The following BTLA variants were observed in gnomAD, a reference collection of about 807,000 sequenced individuals.
BTLA encodes B- and T-lymphocyte attenuator.
A neutral mutation model predicts 25.0 loss-of-function variants in BTLA; 11 were observed. That is an observed-to-expected ratio of 0.44 (90% CI 0.28 to 0.73). The LOEUF is 0.73. Among genes scored for constraint, BTLA ranks in the 30% least tolerant of loss-of-function variants. The pLI is 0.15. For missense variants in BTLA, 282 were observed against 332.8 expected (o/e 0.85, Z 1.19); for synonymous variants, 104 against 119.8 (o/e 0.87, Z 0.86).
upstream of BTLA, chr3:112,499,539 T>C (rs1576697912): frequency 1.9e-6 from 1 of 537,698 alleles, no homozygotes; most frequent in South Asian, 3.0e-5. Flanking sequence ...GATGATTTTG[T>C]GAAAAAAAGT....
chr3:112,466,488 TG>T (rs2082228195), intron 4 of BTLA, 105 bp from the exon 5 acceptor site: 2 of 1,051,550 alleles, frequency 1.9e-6, no homozygotes, highest in Non-Finnish European at 2.6e-6. Context: ...ATGTCCATTG[TG>T]AGAAATAATC....
At position 112,466,284 on chromosome 3, in the gene BTLA, G is replaced by C. The variant is rs373837326; in HGVS notation, c.694C>G (p.Leu232Val). ...ETGIYDNDPD[L>V]CFRMQEGSEV... Reference sequence around the variant, plus strand: ...GACCCTTCCTGCATCCTGAAACAAAGGTCAGGGTCATTATCATAAATTCCA... The same window carrying C: ...GACCCTTCCTGCATCCTGAAACAAACGTCAGGGTCATTATCATAAATTCCA... The change falls in exon 5 of 5, where the codon CTT becomes GTT. Residue 232 changes from leucine to valine, a missense_variant. By Grantham distance (32) the Leu-to-Val change is conservative. Transcript: ENST00000334529. 1.2e-6 allele frequency: 2 copies of C among 1,613,928 alleles called. No individual in the cohort carries two copies. Among genetic ancestry groups the C allele is most frequent in the Non-Finnish European group, 1.7e-6 (2 of 1,179,952 alleles).
chr3:112,479,356 G>C, intron 2 of BTLA, 99 bp downstream of exon 2: 1 of 1,100,574 alleles, frequency 9.1e-7, no homozygotes, highest in Non-Finnish European at 1.3e-6. Context: ...TGTGCTATAG[G>C]AGTTGGCTTT....
intron 1 of BTLA, 135 bp downstream of exon 1, chr3:112,499,136 A>G: frequency 1.6e-6 from 1 of 631,650 alleles, no homozygotes; most frequent in South Asian, 2.3e-5. Flanking sequence ...CGGTAAGCAA[A>G]TGTAACAGCT....
chr3:112,478,006 T>G (rs200163790), intron 2 of BTLA, among the ~76,000 whole-genome samples: 2 of 17,182 alleles, frequency 1.2e-4, no homozygotes, highest in Admixed American at 2.0e-3. Flanking sequence ...AATACTATTC[T>G]TTTTTTTTTT....
intron 1 of BTLA, among the ~76,000 whole-genome samples, chr3:112,491,095 C>T (rs868048121): frequency 6.6e-6 from 1 of 152,146 alleles, no homozygotes; most frequent in African/African-American, 2.4e-5. Flanking sequence ...TTTGTCATTG[C>T]TTTTTCCGAC....
Position 112,479,557 on chromosome 3 carries a change from G to A in BTLA, c.301C>T (p.His101Tyr). Residue 101 changes from histidine to tyrosine, a missense_variant, in exon 2 of 5, where the codon CAT (histidine) becomes TAT (tyrosine). Physicochemically the swap from His to Tyr is moderately conservative, Grantham distance 83. This residue lies in a region of BTLA where 163 missense variants were observed against 230.4 expected (regional missense o/e 0.71). Transcript: ENST00000334529. ...TCATTAGGAAGCACTGGTTCAAAATGTAGAATGAAAAATGAAATGTTCTTC... is the reference window on the plus strand; with the variant it reads ...TCATTAGGAAGCACTGGTTCAAAATATAGAATGAAAAATGAAATGTTCTTC... Reference protein sequence around the residue: ...EEKNISFFILHFEPVLPNDNG... With the variant: ...EEKNISFFILYFEPVLPNDNG... 1.2e-6 allele frequency: 2 copies of A among 1,614,022 alleles called. No homozygotes were observed. Among genetic ancestry groups the A allele is most frequent in the South Asian group, 1.1e-5 (1 of 91,090 alleles).
At chr3:112,483,243 G>A (rs2082327532) in intron 1 of BTLA, among the ~76,000 whole-genome samples, 1 of 149,878 alleles carries the variant, frequency 6.7e-6, no homozygotes, top group Non-Finnish European at 1.5e-5. Context: ...CTGCCTCCCG[G>A]GTTTAAGCGA....
intron 1 of BTLA, among the ~76,000 whole-genome samples, chr3:112,485,845 G>GCTCA (rs1380823665): frequency 5.3e-5 from 8 of 152,242 alleles, no homozygotes; most frequent in African/African-American, 1.9e-4. Context: ...GGGCACGGTG[G>GCTCA]CTCACGCCTG....
chr3:112,469,629 A>AG (rs71631392), intron 4 of BTLA, 129 bp downstream of exon 4: 64,337 of 126,810 alleles, frequency 0.51, 13,733 homozygotes, highest in Non-Finnish European at 0.59. Flanking sequence ...ATATATATAT[A>AG]TATATATATA....
chr3:112,479,408 A>C, intron 2 of BTLA, 47 bp downstream of exon 2: 11 of 1,523,066 alleles, frequency 7.2e-6, no homozygotes, highest in Non-Finnish European at 9.8e-6. Context: ...CTCTTCCTGG[A>C]AACATTATAA....
chr3:112,485,789 A>G (rs1166874792), intron 1 of BTLA, among the ~76,000 whole-genome samples: 2 of 152,224 alleles, frequency 1.3e-5, no homozygotes, highest in African/African-American at 2.4e-5. Context: ...AATGCTAAAA[A>G]TGATTAAAAT....
In BTLA at chr3:112,469,985, G is replaced by T. The variant is rs974565886; in HGVS notation, c.548-181C>A. 1.6e-5 allele frequency: 8 copies of T among 515,212 alleles called. No homozygotes were observed. In the Admixed American group the frequency reaches 1.9e-4, roughly 12 times the overall value. The allele number at this position is 515,212 out of a possible 1,614,324, so 31.9% of individuals were successfully genotyped here. A position where few individuals can be genotyped will look rare whatever the true frequency, so the allele number is the denominator to read the frequency against. On this transcript the variant is annotated intron_variant, in intron 3 of 4. Coordinates refer to ENST00000334529, the MANE Select transcript of BTLA (RefSeq NM_181780.4). Reference sequence around the variant, plus strand: ...ATTCACACTGACCAGCTCTCTCTCTGGTTCATCACTTTTCAGTCCACATAG... The same window carrying T: ...ATTCACACTGACCAGCTCTCTCTCTTGTTCATCACTTTTCAGTCCACATAG...
rs140437626 is a variant in BTLA, at chr3:112,480,658, C to G, written c.89-889G>C. ...TATCAGGTGCCTACTCCCGTGATAACGAATCCATTCCTACAATAAGGGCAT... is the reference window on the plus strand; with the variant it reads ...TATCAGGTGCCTACTCCCGTGATAAGGAATCCATTCCTACAATAAGGGCAT... On this transcript the variant is annotated intron_variant, in intron 1 of 4. Transcript: ENST00000334529. 2.0e-5 allele frequency among the ~76,000 whole-genome samples: 3 copies of G among 152,282 alleles called. No individual in the cohort carries two copies. The East Asian group carries it at 5.8e-4, about 29-fold the overall frequency.
chr3:112,491,267 CCACTTGCCCACAGGTA>C (rs1279251457), intron 1 of BTLA, among the ~76,000 whole-genome samples: 1 of 152,118 alleles, frequency 6.6e-6, no homozygotes, highest in Non-Finnish European at 1.5e-5. Flanking sequence ...ACATTCTTTG[CCACTTGCCCACAGGTA>C]CACTCCACCT....
intron 2 of BTLA, among the ~76,000 whole-genome samples, chr3:112,472,349 GTTGTTT>G (rs896534208): frequency 7.3e-5 from 11 of 151,604 alleles, no homozygotes; most frequent in South Asian, 4.2e-4. Context: ...TGTTGTTGTT[GTTGTTT>G]TTTTTAATTT....
At chr3:112,473,385 A>G (rs959681935) in intron 2 of BTLA, among the ~76,000 whole-genome samples, 1 of 152,016 alleles carries the variant, frequency 6.6e-6, no homozygotes. Flanking sequence ...AATACAACGC[A>G]ATCTTTGTCT....
intron 1 of BTLA, among the ~76,000 whole-genome samples, chr3:112,497,254 A>G (rs2082414201): frequency 6.6e-6 from 1 of 152,224 alleles, no homozygotes; most frequent in Non-Finnish European, 1.5e-5. Context: ...TTACTATGCG[A>G]GGCACTTTAC....
chr3:112,477,689 T>C (rs923140549), intron 2 of BTLA, among the ~76,000 whole-genome samples: 1 of 152,100 alleles, frequency 6.6e-6, no homozygotes. Context: ...ATCAGAAACA[T>C]TTATCCCTAT....
Sources: allele counts gnomAD v4.1 joint callset (sites outside exome capture counted in the v4.1 genomes callset), GRCh38; gene constraint gnomAD v4.1.1; regional missense constraint gnomAD v4.1.1; transcripts MANE v1.5; gene names NCBI Gene and HGNC (gene_info 2026-07-23, HGNC 2026-07-21).